The following C1orf146 variants were observed in gnomAD, a reference collection of about 807,000 sequenced individuals.
C1orf146 encodes the protein protein SPO16 homolog.
In C1orf146, 22 loss-of-function variants were observed where a neutral mutation model predicts 23.0. That is an observed-to-expected ratio of 0.96 (90% CI 0.68 to 1.36). C1orf146 has a LOEUF of 1.36. C1orf146 is among the 40% of genes most tolerant of loss of function. The pLI is 0.00. For missense variants in C1orf146, 199 were observed against 206.8 expected, an observed-to-expected ratio of 0.96 and a Z score of 0.23; for synonymous variants, 59 against 65.3, an observed-to-expected ratio of 0.90 and a Z score of 0.47.
chr1:92,238,086 C>T (rs927053011), intron 2 of C1orf146, among the ~76,000 whole-genome samples: 1 of 152,016 alleles, frequency 6.6e-6, no homozygotes, highest in African/African-American at 2.4e-5. Context: ...CCTGCCACCA[C>T]GCCGGCTAAT....
chr1:92,223,361 T>C (rs1210748900), intron 1 of C1orf146, among the ~76,000 whole-genome samples: 2 of 152,236 alleles, frequency 1.3e-5, no homozygotes, highest in Non-Finnish European at 2.9e-5. Flanking sequence ...ATAATAGGTA[T>C]GTAGTGGTAT....
Position 92,242,243 on chromosome 1 carries a change from G to T in C1orf146, c.98G>T (p.Arg33Leu). 1.3e-6 allele frequency: 2 copies of T among 1,599,208 alleles called. No homozygotes were observed. Among genetic ancestry groups the T allele is most frequent in the South Asian group, 1.1e-5 (1 of 88,190 alleles). ...SYEVATALEN[R>L]SHKVRYSDSV... is the part of the protein sequence containing the mutation. ...GAAGTTGCAACTGCCCTAGAAAATC[G>T]AAGCCACAAAGTTCGATATTCAGAT... Residue 33 changes from arginine to leucine, a missense_variant, in exon 3 of 6, where the codon CGA becomes CTA. By Grantham distance (102) the Arg-to-Leu change is moderately radical. Coordinates refer to ENST00000370375, the MANE Select transcript of C1orf146 (RefSeq NM_001012425.2).
rs565005695 is a variant in C1orf146 at position 92,233,426 on chromosome 1, G to A, written c.66+1940G>A. 1.1e-3 allele frequency among the ~76,000 whole-genome samples: 170 copies of A among 152,174 alleles called. 1 individual carries two copies. The highest frequency in any genetic ancestry group is 1.8e-3 in the Non-Finnish European group (123 of 68,012). The stretch of plus-strand genomic sequence containing the variant: ...TCAAAGATCAGATAGTTGTAGATAT[G>A]CGGCGTTATTTCTGAGGGCTGTGTT... On this transcript the variant is annotated intron_variant, in intron 2 of 5. Coordinates refer to ENST00000370375, the MANE Select transcript of C1orf146 (RefSeq NM_001012425.2).
intron 2 of C1orf146, among the ~76,000 whole-genome samples, chr1:92,239,709 C>G (rs990940514): frequency 6.6e-6 from 1 of 151,826 alleles, no homozygotes; most frequent in Non-Finnish European, 1.5e-5. Context: ...CAAGATCATG[C>G]CATTGCACTC....
At chr1:92,224,124 C>T (rs1432118109) in intron 1 of C1orf146, among the ~76,000 whole-genome samples, 1 of 151,406 alleles carries the variant, frequency 6.6e-6, no homozygotes, top group African/African-American at 2.4e-5. Flanking sequence ...GAACTCGGCT[C>T]ACTGCAAGCT....
intron 1 of C1orf146, among the ~76,000 whole-genome samples, chr1:92,231,129 G>A (rs935069405): frequency 6.6e-6 from 1 of 152,182 alleles, no homozygotes; most frequent in African/African-American, 2.4e-5. Flanking sequence ...CAGACCTTGC[G>A]TGTTCTTGAT....
chr1:92,219,590 A>C (rs1570781922), intron 1 of C1orf146, among the ~76,000 whole-genome samples: 1 of 126,956 alleles, frequency 7.9e-6, no homozygotes, highest in African/African-American at 3.0e-5. Context: ...TGCAACCTCC[A>C]CCTCCTGGGT....
intron 1 of C1orf146, among the ~76,000 whole-genome samples, chr1:92,226,708 T>C (rs1651977916): frequency 6.6e-6 from 1 of 152,202 alleles, no homozygotes; most frequent in African/African-American, 2.4e-5. Flanking sequence ...GTTTTTCCCT[T>C]GTCATTTGGG....
At chr1:92,240,578 T>C (rs1203706229) in intron 2 of C1orf146, 1 of 153,194 alleles carries the variant, frequency 6.5e-6, no homozygotes, top group Non-Finnish European at 1.5e-5. Flanking sequence ...TCAGCCTGTG[T>C]GCTTAACATA....
chr1:92,221,584 A>T (rs931157413), intron 1 of C1orf146, among the ~76,000 whole-genome samples: 3 of 152,264 alleles, frequency 2.0e-5, no homozygotes, highest in African/African-American at 7.2e-5. Context: ...AGATTATTTT[A>T]TCTAAAAGTT....
At chr1:92,229,200 T>C (rs1570789285) in intron 1 of C1orf146, 1 of 542,356 alleles carries the variant, frequency 1.8e-6, no homozygotes, top group South Asian at 1.5e-5. Context: ...GATTGCCTTC[T>C]GCATCCTGTT....
At chr1:92,219,488 TTCTC>T (rs1181300042) in intron 1 of C1orf146, among the ~76,000 whole-genome samples, 1 of 127,956 alleles carries the variant, frequency 7.8e-6, no homozygotes, top group Non-Finnish European at 1.6e-5. Context: ...GAAAGTGACT[TTCTC>T]TTTCTTTTTT....
At chr1:92,232,562 G>A (rs1237343711) in intron 2 of C1orf146, among the ~76,000 whole-genome samples, 1 of 152,096 alleles carries the variant, frequency 6.6e-6, no homozygotes, top group Non-Finnish European at 1.5e-5. Context: ...TAGTGCCGCA[G>A]TAAACATACG....
At chr1:92,221,051 G>A (rs979651298) in intron 1 of C1orf146, among the ~76,000 whole-genome samples, 4 of 152,116 alleles carry the variant, frequency 2.6e-5, no homozygotes. Flanking sequence ...ATGCCTCAGA[G>A]ACAAAGAATA....
chr1:92,245,103 T>G (rs1354484898), intron 5 of C1orf146, among the ~76,000 whole-genome samples: 1 of 152,178 alleles, frequency 6.6e-6, no homozygotes, highest in Non-Finnish European at 1.5e-5. Context: ...TATTGGTTAC[T>G]TATATCTTCA....
At chr1:92,233,666 TG>T (rs1392041044) in intron 2 of C1orf146, among the ~76,000 whole-genome samples, 3 of 152,212 alleles carry the variant, frequency 2.0e-5, no homozygotes, top group Non-Finnish European at 4.4e-5. Context: ...GGTAGCTTGA[TG>T]GGGATGGCAT....
intron 2 of C1orf146, among the ~76,000 whole-genome samples, chr1:92,234,179 G>T (rs990787944): frequency 3.5e-4 from 53 of 152,244 alleles, no homozygotes; most frequent in African/African-American, 1.3e-3. Context: ...GGGCATCCCT[G>T]TCTTGTGCCA....
At chr1:92,225,655 T>G (rs1651947806) in intron 1 of C1orf146, among the ~76,000 whole-genome samples, 1 of 152,132 alleles carries the variant, frequency 6.6e-6, no homozygotes, top group South Asian at 2.1e-4. Context: ...TGACTTTTGT[T>G]TCATGTATTT....
At chr1:92,243,239 A>T (rs1385311723) in intron 3 of C1orf146, among the ~76,000 whole-genome samples, 2 of 152,046 alleles carry the variant, frequency 1.3e-5, no homozygotes, top group South Asian at 2.1e-4. Context: ...TGTCTCCCAC[A>T]TCGTTTGAAG....
Sources: allele counts gnomAD v4.1 joint callset (sites outside exome capture counted in the v4.1 genomes callset), GRCh38; gene constraint gnomAD v4.1.1; transcripts MANE v1.5; gene names NCBI Gene and HGNC (gene_info 2026-07-23, HGNC 2026-07-21).